The following TMEM178B variants were observed in gnomAD, a reference collection of about 807,000 sequenced individuals.
TMEM178B encodes transmembrane protein 178B.
In TMEM178B, 5 loss-of-function variants were observed where a neutral mutation model predicts 31.0. That is an observed-to-expected ratio of 0.16 (90% CI 0.08 to 0.34). The LOEUF (loss-of-function observed/expected upper bound fraction) is 0.34. TMEM178B is among the 10% of genes least tolerant of loss of function. The pLI, the probability that TMEM178B is intolerant of heterozygous loss-of-function variation, is 1.00. For synonymous variants in TMEM178B, 164 were observed against 164.0 expected (o/e 1.00, Z 0.00); for missense variants, 275 against 400.3 (o/e 0.69, Z 2.67).
chr7:141,098,242 C>T (rs902155049), intron 1 of TMEM178B, among the ~76,000 whole-genome samples: 1 of 152,118 alleles, frequency 6.6e-6, no homozygotes, highest in Non-Finnish European at 1.5e-5. Context: ...AGAGTCTGTG[C>T]CACTTGAAAC....
At chr7:141,143,180 T>C (rs540928722) in intron 1 of TMEM178B, among the ~76,000 whole-genome samples, 27 of 152,306 alleles carry the variant, frequency 1.8e-4, no homozygotes, top group African/African-American at 6.5e-4. Flanking sequence ...GTTTACACCG[T>C]TGATAGTTTA....
At chr7:141,146,623 A>G (rs1795857124) in intron 1 of TMEM178B, among the ~76,000 whole-genome samples, 1 of 152,210 alleles carries the variant, frequency 6.6e-6, no homozygotes, top group Non-Finnish European at 1.5e-5. Flanking sequence ...AACCACTATC[A>G]TTGGCTGCTA....
intron 1 of TMEM178B, among the ~76,000 whole-genome samples, chr7:141,201,946 T>C (rs1467148716): frequency 5.3e-5 from 8 of 152,284 alleles, no homozygotes; most frequent in African/African-American, 1.9e-4. Flanking sequence ...ATTTCCCAAG[T>C]TCTTTTGACA....
intron 1 of TMEM178B, among the ~76,000 whole-genome samples, chr7:141,189,447 A>G (rs1796662972): frequency 6.6e-6 from 1 of 152,160 alleles, no homozygotes; most frequent in Admixed American, 6.5e-5. Flanking sequence ...CAGCTTGTAG[A>G]CTATTGGGTC....
intron 2 of TMEM178B, among the ~76,000 whole-genome samples, chr7:141,383,400 G>T (rs1264854218): frequency 7.0e-6 from 1 of 143,446 alleles, no homozygotes; most frequent in East Asian, 2.1e-4. Context: ...CCCGGTGTGT[G>T]ATGTTCCCCT....
chr7:141,238,550 A>C (rs928678349), intron 2 of TMEM178B, among the ~76,000 whole-genome samples: 4 of 152,232 alleles, frequency 2.6e-5, no homozygotes, highest in Non-Finnish European at 5.9e-5. Context: ...TGGACCAGAC[A>C]GGGAAGTAAT....
At chr7:141,227,236 T>C (rs1797359787) in intron 2 of TMEM178B, among the ~76,000 whole-genome samples, 1 of 152,180 alleles carries the variant, frequency 6.6e-6, no homozygotes, top group African/African-American at 2.4e-5. Flanking sequence ...CCATCTTAGC[T>C]TGGATAACTG....
intron 3 of TMEM178B, among the ~76,000 whole-genome samples, chr7:141,451,069 G>A (rs1270267441): frequency 2.0e-5 from 3 of 152,332 alleles, no homozygotes; most frequent in Non-Finnish European, 2.9e-5. Context: ...CCAGCAAGGG[G>A]CAGGCAGATG....
intron 2 of TMEM178B, among the ~76,000 whole-genome samples, chr7:141,286,356 A>G (rs1288714043): frequency 6.6e-6 from 1 of 152,216 alleles, no homozygotes; most frequent in Non-Finnish European, 1.5e-5. Context: ...ACATTGTTTT[A>G]GGTATAGAGC....
At chr7:141,132,963 A>G (rs1015291077) in intron 1 of TMEM178B, among the ~76,000 whole-genome samples, 1 of 152,228 alleles carries the variant, frequency 6.6e-6, no homozygotes, top group African/African-American at 2.4e-5. Flanking sequence ...AAGAATTCAT[A>G]GACACCTCTG....
At chr7:141,368,479 T>A (rs963818507) in intron 2 of TMEM178B, among the ~76,000 whole-genome samples, 34 of 152,248 alleles carry the variant, frequency 2.2e-4, no homozygotes, top group African/African-American at 8.0e-4. Context: ...ACAGGTTCTA[T>A]GCCTATATAC....
Position 141,369,910 on chromosome 7 carries a change from TAAAG to T in TMEM178B, c.497-67696_497-67693del, listed in dbSNP as rs1433057742. Among the ~76,000 whole-genome samples the T allele has an allele frequency of 2.0e-5, 3 of 152,176 alleles. No homozygotes were observed. The South Asian group carries it at 6.2e-4, about 32-fold the overall frequency. Reference sequence around the variant, plus strand: ...ATCAAACAGCTTGGAGAGAAACAAATAAAGAGAACAATATAAAAGCAACAACAAG... The same window carrying T: ...ATCAAACAGCTTGGAGAGAAACAAATAGAACAATATAAAAGCAACAACAAG... On this transcript the variant is annotated intron_variant, in intron 2 of 3. Coordinates refer to ENST00000565468, the MANE Select transcript of TMEM178B (RefSeq NM_001195278.2).
chr7:141,095,150 C>T (rs1415845555), intron 1 of TMEM178B, among the ~76,000 whole-genome samples: 3 of 152,106 alleles, frequency 2.0e-5, no homozygotes, highest in Admixed American at 2.0e-4. Context: ...TTTATTTCTT[C>T]AGTGGGGTTT....
chr7:141,440,211 C>T (rs1187504536), intron 3 of TMEM178B, among the ~76,000 whole-genome samples: 1 of 152,260 alleles, frequency 6.6e-6, no homozygotes, highest in Non-Finnish European at 1.5e-5. Flanking sequence ...CTGGGGAAGA[C>T]CTCTGAATGC....
In TMEM178B at chr7:141,074,221, G is replaced by C. The variant is rs931148166; in HGVS notation, c.-90G>C. 1 of 1,434,522 alleles carries C rather than the reference G, an allele frequency of 7.0e-7. No homozygotes were observed. The highest frequency in any genetic ancestry group is 9.1e-7 in the Non-Finnish European group (1 of 1,097,546). The allele number at this position is 1,434,522 out of a possible 1,614,324, so 88.9% of individuals were successfully genotyped here. On this transcript the variant is annotated 5_prime_UTR_variant, in exon 1 of 4. Transcript: ENST00000565468. The surrounding 1 kb of genome is among the most constrained non-coding windows in gnomAD (Gnocchi z 5.1). ...AGTCCCTCTCCTGCCCCCTCCCCCA[G>C]CTCGGCCGCCCGCCGCTTTGTTCCG...
At chr7:141,116,885 A>G (rs1214036080) in intron 1 of TMEM178B, among the ~76,000 whole-genome samples, 1 of 152,168 alleles carries the variant, frequency 6.6e-6, no homozygotes, top group African/African-American at 2.4e-5. Context: ...CATGGCATAT[A>G]TGTGCCACAT....
chr7:141,379,016 T>A (rs570542185), intron 2 of TMEM178B, among the ~76,000 whole-genome samples: 1 of 152,098 alleles, frequency 6.6e-6, no homozygotes, highest in Non-Finnish European at 1.5e-5. Flanking sequence ...AAACATCCTC[T>A]GCTTGGGGGA....
In TMEM178B at chr7:141,284,120, A is replaced by G. The variant is rs541305519; in HGVS notation, c.496+71416A>G. Among the ~76,000 whole-genome samples, 109 of 152,330 alleles carry G rather than the reference A, an allele frequency of 7.2e-4. 3 individuals are homozygous for G. The South Asian group carries it at 0.022, about 31-fold the overall frequency. Reference sequence around the variant, plus strand: ...TGGTTGATCCTCACAGCAAATGAACAACACAGGCTTAAGGAAACAAGCAAC... The same window carrying G: ...TGGTTGATCCTCACAGCAAATGAACGACACAGGCTTAAGGAAACAAGCAAC... On this transcript the variant is annotated intron_variant, in intron 2 of 3. Transcript: ENST00000565468.
intron 1 of TMEM178B, among the ~76,000 whole-genome samples, chr7:141,137,012 A>G (rs570875701): frequency 6.6e-6 from 1 of 152,344 alleles, no homozygotes; most frequent in South Asian, 2.1e-4. Flanking sequence ...GTGAAATATA[A>G]TATCACCCCA....
Sources: allele counts gnomAD v4.1 joint callset (sites outside exome capture counted in the v4.1 genomes callset), GRCh38; gene constraint gnomAD v4.1.1; non-coding constraint Gnocchi (gnomAD v3.1); transcripts MANE v1.5; gene names NCBI Gene and HGNC (gene_info 2026-07-23, HGNC 2026-07-21).